MOB3B: variants seen among roughly 807,000 people sequenced by gnomAD.
MOB3B encodes the protein MOB kinase activator-like 2B.
MOB3B carries 7 observed loss-of-function variants against 18.7 expected under a neutral mutation model. The ratio of observed to expected loss-of-function variants is 0.37; its 90% confidence interval spans 0.21 to 0.70. MOB3B has a LOEUF of 0.70. Ranked by LOEUF, MOB3B falls within the 30% of genes least tolerant of loss-of-function variation. MOB3B has a pLI of 0.52. For synonymous variants in MOB3B, 111 were observed against 99.9 expected (o/e 1.11, Z -0.66); for missense variants, 253 against 281.3 (o/e 0.90, Z 0.72).
At chr9:27,363,359 C>T (rs1332935217) in intron 2 of MOB3B, among the ~76,000 whole-genome samples, 1 of 152,292 alleles carries the variant, frequency 6.6e-6, no homozygotes, top group Middle Eastern at 3.4e-3. Context: ...AGCTCCGCCT[C>T]CCAGGTTCAT....
intron 1 of MOB3B, among the ~76,000 whole-genome samples, chr9:27,501,352 A>C (rs777777416): frequency 1.8e-4 from 27 of 152,182 alleles, no homozygotes; most frequent in Non-Finnish European, 3.7e-4. Flanking sequence ...GAACCAACTC[A>C]AATGCCCATC....
chr9:27,445,949 C>T (rs1822684213), intron 2 of MOB3B, among the ~76,000 whole-genome samples: 1 of 152,140 alleles, frequency 6.6e-6, no homozygotes, highest in South Asian at 2.1e-4. Context: ...TCCTGACGAC[C>T]TGGGCTGGAT....
chr9:27,343,044 G>C (rs1431037514), intron 3 of MOB3B, among the ~76,000 whole-genome samples: 1 of 151,888 alleles, frequency 6.6e-6, no homozygotes, highest in African/African-American at 2.4e-5. Flanking sequence ...ATAGAAAAGG[G>C]GGAAATGTGG....
chr9:27,499,764 G>T (rs1283529830), intron 1 of MOB3B, among the ~76,000 whole-genome samples: 2 of 151,684 alleles, frequency 1.3e-5, no homozygotes, highest in African/African-American at 2.4e-5. Context: ...TTTTTTTTCT[G>T]CACTAGTACA....
chr9:27,398,495 A>G (rs1376312659), intron 2 of MOB3B, among the ~76,000 whole-genome samples: 19 of 152,352 alleles, frequency 1.2e-4, no homozygotes, highest in Non-Finnish European at 1.5e-5. Flanking sequence ...AGCATTTGAC[A>G]CAGAGTCTAA....
At chr9:27,342,704 G>T (rs374892378) in intron 3 of MOB3B, among the ~76,000 whole-genome samples, 1 of 152,200 alleles carries the variant, frequency 6.6e-6, no homozygotes, top group Non-Finnish European at 1.5e-5. Context: ...CTGACCACGA[G>T]TGATCTGCCT....
At chr9:27,402,660 T>C (rs915346377) in intron 2 of MOB3B, among the ~76,000 whole-genome samples, 2 of 152,234 alleles carry the variant, frequency 1.3e-5, no homozygotes, top group Non-Finnish European at 2.9e-5. Flanking sequence ...TTTTGGTAAT[T>C]GCTATCACAA....
At chr9:27,498,880 A>G (rs1209595152) in intron 1 of MOB3B, among the ~76,000 whole-genome samples, 1 of 152,262 alleles carries the variant, frequency 6.6e-6, no homozygotes, top group Non-Finnish European at 1.5e-5. Context: ...TAAAAGAAAA[A>G]TCAACACTTT....
chr9:27,437,571 T>TA (rs1016133633), intron 2 of MOB3B, among the ~76,000 whole-genome samples: 1 of 152,170 alleles, frequency 6.6e-6, no homozygotes, highest in Non-Finnish European at 1.5e-5. Context: ...TGATGGACAT[T>TA]AAAAAAATCC....
At chr9:27,393,257 T>A (rs1037814368) in intron 2 of MOB3B, among the ~76,000 whole-genome samples, 2 of 152,096 alleles carry the variant, frequency 1.3e-5, no homozygotes, top group African/African-American at 4.8e-5. Flanking sequence ...AGAAGTTATT[T>A]CCCCAAAGTA....
intron 1 of MOB3B, among the ~76,000 whole-genome samples, chr9:27,494,815 G>C (rs1379133542): frequency 1.3e-5 from 2 of 152,050 alleles, no homozygotes; most frequent in Non-Finnish European, 2.9e-5. Context: ...GCCCTGCCAA[G>C]AACATACATT....
At chr9:27,397,151 T>C (rs1287875085) in intron 2 of MOB3B, 3 of 152,170 alleles carry the variant, frequency 2.0e-5, no homozygotes, top group East Asian at 3.9e-4. Flanking sequence ...AGAGGGAAAA[T>C]GCAGGAAGAA....
chr9:27,427,637 T>TA (rs1172107312), intron 2 of MOB3B, among the ~76,000 whole-genome samples: 8 of 151,870 alleles, frequency 5.3e-5, no homozygotes, highest in African/African-American at 1.2e-4. Flanking sequence ...CTAGTTCAAA[T>TA]AAAAAAAAGG....
chr9:27,350,528 C>G (rs1821088791), intron 3 of MOB3B, among the ~76,000 whole-genome samples: 1 of 152,146 alleles, frequency 6.6e-6, no homozygotes, highest in Admixed American at 6.5e-5. Context: ...ACCCAACACC[C>G]TATAAACTAG....
At chr9:27,372,128 T>C (rs1479071882) in intron 2 of MOB3B, among the ~76,000 whole-genome samples, 3 of 152,228 alleles carry the variant, frequency 2.0e-5, no homozygotes, top group African/African-American at 7.2e-5. Context: ...AAATGGCTGA[T>C]TCTAGGACTG....
At chr9:27,389,047 G>A (rs1018952407) in intron 2 of MOB3B, among the ~76,000 whole-genome samples, 1 of 152,094 alleles carries the variant, frequency 6.6e-6, no homozygotes, top group Non-Finnish European at 1.5e-5. Flanking sequence ...AATAATTAAA[G>A]CTATCACTCT....
chr9:27,452,158 G>A (rs1364126430), intron 2 of MOB3B, among the ~76,000 whole-genome samples: 1 of 152,042 alleles, frequency 6.6e-6, no homozygotes, highest in African/African-American at 2.4e-5. Context: ...CCATGTGCTG[G>A]GCCTTTATAA....
intron 1 of MOB3B, among the ~76,000 whole-genome samples, chr9:27,493,659 G>A (rs972941249): frequency 6.6e-6 from 1 of 151,910 alleles, no homozygotes; most frequent in African/African-American, 2.4e-5. Flanking sequence ...AAAATTTCAT[G>A]GACACTTGTC....
At chr9:27,365,162 C>CAAGAAAAAAAAAAAA (rs1821324721) in intron 2 of MOB3B, among the ~76,000 whole-genome samples, 1 of 109,790 alleles carries the variant, frequency 9.1e-6, no homozygotes, top group African/African-American at 3.5e-5. Context: ...TTGGGGGAGG[C>CAAGAAAAAAAAAAAA]AAAAAAAAAA....
Sources: allele counts gnomAD v4.1 joint callset (sites outside exome capture counted in the v4.1 genomes callset), GRCh38; gene constraint gnomAD v4.1.1; transcripts MANE v1.5; gene names NCBI Gene and HGNC (gene_info 2026-07-23, HGNC 2026-07-21).